The following WDR43 variants were observed in gnomAD, a reference collection of about 807,000 sequenced individuals.
WDR43 encodes the protein WD repeat domain 43.
WDR43 carries 13 observed loss-of-function variants against 91.4 expected under a neutral mutation model. That is an observed-to-expected ratio of 0.14 (90% confidence interval 0.09 to 0.23). The LOEUF (loss-of-function observed/expected upper bound fraction) is 0.23, where lower values mean the gene tolerates loss of function less well. Ranked by LOEUF, WDR43 falls within the 10% of genes least tolerant of loss-of-function variation. The pLI is 1.00. For synonymous variants in WDR43, 331 were observed against 287.9 expected (o/e 1.15, Z -1.51); for missense variants, 780 against 809.4 (o/e 0.96, Z 0.44).
intron 4 of WDR43, 50 bp downstream of exon 4, chr2:28,912,760 G>A: frequency 6.3e-7 from 1 of 1,594,884 alleles, no homozygotes. Flanking sequence ...AGTAAACACA[G>A]AGAAAGGCAG....
At chr2:28,900,139 A>G (rs762396416) in intron 1 of WDR43, among the ~76,000 whole-genome samples, 31 of 152,162 alleles carry the variant, frequency 2.0e-4, no homozygotes, top group Non-Finnish European at 3.8e-4. Context: ...TTCCATTTAG[A>G]TAGTTTTTAT....
intron 16 of WDR43, among the ~76,000 whole-genome samples, chr2:28,945,324 A>G (rs1477115485): frequency 3.9e-5 from 6 of 152,224 alleles, no homozygotes; most frequent in Non-Finnish European, 7.3e-5. Context: ...TGCCCAGTTT[A>G]TCTTCATCTT....
chr2:28,940,439 A>G (rs1023022886), intron 14 of WDR43, among the ~76,000 whole-genome samples: 16 of 152,260 alleles, frequency 1.1e-4, no homozygotes, highest in Middle Eastern at 6.8e-3. Context: ...CATGTTGGTC[A>G]GGCTGGTCTT....
intron 1 of WDR43, among the ~76,000 whole-genome samples, chr2:28,901,693 GAAAC>G (rs1159493259): frequency 6.6e-6 from 1 of 152,120 alleles, no homozygotes; most frequent in Non-Finnish European, 1.5e-5. Context: ...CTGAGAAGTG[GAAAC>G]AGCATTGAGG....
intron 11 of WDR43, chr2:28,930,034 C>T: frequency 2.0e-6 from 1 of 493,782 alleles, no homozygotes; most frequent in Non-Finnish European, 4.1e-6. Flanking sequence ...CATTCTAGAT[C>T]ACAATTTATA....
rs780718164 is a variant in WDR43, at chr2:28,894,778, C to A, written c.80C>A (p.Ala27Asp). ...VPCAFSPHSQ[A>D]YFALASTDGH... ...TGCGCCTTCTCCCCGCACAGCCAGG[C>A]CTACTTCGCTTTGGCCTCTACCGAC... Residue 27 changes from alanine to aspartate, a missense_variant, in exon 1 of 18, where the codon GCC becomes GAC. This residue lies in a region of WDR43 where 175 missense variants were observed against 113.8 expected (regional missense o/e 1.54). Coordinates refer to ENST00000407426, the MANE Select transcript of WDR43 (RefSeq NM_015131.3). The A allele has an allele frequency of 1.2e-6, 2 of 1,607,438 alleles. No individual in the cohort carries two copies. The highest frequency in any genetic ancestry group is 8.5e-7 in the Non-Finnish European group (1 of 1,177,284).
chr2:28,906,231 G>A (rs1670675801), intron 2 of WDR43, among the ~76,000 whole-genome samples: 1 of 151,880 alleles, frequency 6.6e-6, no homozygotes. Context: ...GCCTCTATTT[G>A]CCTTTCACAT....
In WDR43 at chr2:28,937,936, T is replaced by C. The variant is rs756927667; in HGVS notation, c.1562T>C (p.Val521Ala). 6.2e-7 allele frequency: 1 copy of C among 1,613,904 alleles called. No individual in the cohort carries two copies. The highest frequency in any genetic ancestry group is 2.2e-5 in the East Asian group (1 of 44,874). The change falls in exon 14 of 18, where the codon GTG becomes GCG. Residue 521 changes from valine (V) to alanine (A), a missense_variant. By Grantham distance (64) the Val-to-Ala change is moderately conservative (BLOSUM62 0). Transcript: ENST00000407426. ...KRLQGHPNSAVLMVQWLKCVL... is the reference protein window; with the variant it reads ...KRLQGHPNSAALMVQWLKCVL... ...ACTTGGATTTTTTTTTCCAGTGCTG[T>C]GCTAATGGTTCAGTGGCTAAAATGT...
intron 2 of WDR43, among the ~76,000 whole-genome samples, chr2:28,902,717 C>G (rs1670599206): frequency 6.6e-6 from 1 of 152,214 alleles, no homozygotes; most frequent in Admixed American, 6.5e-5. Flanking sequence ...TCCCTTCTCT[C>G]TCCATCCTTG....
At chr2:28,912,839 G>C in intron 4 of WDR43, 129 bp downstream of exon 4, 2 of 1,258,698 alleles carry the variant, frequency 1.6e-6, no homozygotes, top group South Asian at 1.7e-5. Flanking sequence ...AAATAGTTTA[G>C]TGGATAAAAG....
chr2:28,937,095 A>T, intron 13 of WDR43, 142 bp downstream of exon 13: 1 of 782,972 alleles, frequency 1.3e-6, no homozygotes, highest in Non-Finnish European at 2.0e-6. Context: ...AAGTTGAATG[A>T]TTCTTATTCT....
intron 12 of WDR43, among the ~76,000 whole-genome samples, chr2:28,936,297 A>G (rs1234615866): frequency 6.6e-6 from 1 of 152,204 alleles, no homozygotes; most frequent in African/African-American, 2.4e-5. Flanking sequence ...TTGTAATTAG[A>G]AATTATACCT....
chr2:28,937,792 C>T, intron 13 of WDR43, 139 bp from the exon 14 acceptor site: 1 of 773,324 alleles, frequency 1.3e-6, no homozygotes, highest in Non-Finnish European at 2.1e-6. Context: ...GTGATATATA[C>T]ACAGTGATAT....
chr2:28,948,199 A>G lies in WDR43; in HGVS notation c.*1420A>G, dbSNP rs780836541. On this transcript the variant is annotated 3_prime_UTR_variant, in exon 18 of 18. Transcript: ENST00000407426. The stretch of plus-strand genomic sequence containing the variant: ...TAATACCATTCTCTTTGTAAAGTGA[A>G]TAAATATTCATCTTTACCCAGTGCT... 5 of 152,206 alleles carry G rather than the reference A, an allele frequency of 3.3e-5. No homozygotes were observed. The highest frequency in any genetic ancestry group is 7.4e-5 in the Non-Finnish European group (5 of 68,026). 9.4% of individuals were successfully genotyped at this position (152,206 alleles called of 1,614,324 possible). A position where few individuals can be genotyped will look rare whatever the true frequency, so the allele number is the denominator to read the frequency against.
rs144490494 is a variant in WDR43 at position 28,920,382 on chromosome 2, C to T, written c.849+2387C>T. Among the ~76,000 whole-genome samples, 297 of 151,568 alleles carry T rather than the reference C, an allele frequency of 2.0e-3. 1 individual carries two copies. Among genetic ancestry groups the T allele is most frequent in the African/African-American group, 6.3e-3 (260 of 41,334 alleles). ...CTGGGATTACAGGTGCATATCACCA[C>T]GCCTGGCTAATTTTTGTGTTTTTCT... is the stretch of plus-strand genomic sequence containing the variant. On this transcript the variant is annotated intron_variant, in intron 6 of 17. Transcript: ENST00000407426.
chr2:28,911,638 CTT>C, intron 3 of WDR43, among the ~76,000 whole-genome samples: 1 of 145,288 alleles, frequency 6.9e-6, no homozygotes, highest in African/African-American at 2.6e-5. Flanking sequence ...TGTTACTTGC[CTT>C]TTTTTTTTGG....
chr2:28,918,675 T>C (rs1399916353), intron 6 of WDR43, among the ~76,000 whole-genome samples: 2 of 152,082 alleles, frequency 1.3e-5, no homozygotes, highest in African/African-American at 4.8e-5. Flanking sequence ...AGCCTATATA[T>C]GTATGTATTT....
intron 9 of WDR43, chr2:28,927,025 G>T (rs779675266): frequency 3.9e-6 from 2 of 517,462 alleles, no homozygotes; most frequent in Non-Finnish European, 7.7e-6. Context: ...CTACATGTAG[G>T]GGACGTGTTT....
chr2:28,925,259 C>A, intron 8 of WDR43, 106 bp downstream of exon 8: 1 of 1,123,740 alleles, frequency 8.9e-7, no homozygotes, highest in Non-Finnish European at 1.2e-6. Flanking sequence ...ATAATATATT[C>A]TTTTTTAATT....
Sources: allele counts gnomAD v4.1 joint callset (sites outside exome capture counted in the v4.1 genomes callset), GRCh38; gene constraint gnomAD v4.1.1; regional missense constraint gnomAD v4.1.1; transcripts MANE v1.5; gene names NCBI Gene and HGNC (gene_info 2026-07-23, HGNC 2026-07-21).